The following CDH12 variants were observed in gnomAD, a reference collection of about 807,000 sequenced individuals.
CDH12 encodes the protein cadherin 12.
In CDH12, 41 loss-of-function variants were observed where a neutral mutation model predicts 74.1. The observed-to-expected ratio is 0.55, with a 90% CI of 0.43 to 0.72. The LOEUF is 0.72. CDH12 is among the 30% of genes least tolerant of loss of function. CDH12 has a pLI of 0.00. For synonymous variants in CDH12, 399 were observed against 355.0 expected (o/e 1.12, Z -1.39); for missense variants, 945 against 977.2 (o/e 0.97, Z 0.44).
chr5:21,973,193 C>A (rs1482876696), intron 6 of CDH12, among the ~76,000 whole-genome samples: 4 of 151,948 alleles, frequency 2.6e-5, no homozygotes, highest in Non-Finnish European at 5.9e-5. Context: ...GGCAACAGAC[C>A]AAGACCCAGT....
intron 1 of CDH12, among the ~76,000 whole-genome samples, chr5:22,524,698 T>C (rs1410582628): frequency 6.6e-6 from 1 of 152,194 alleles, no homozygotes; most frequent in African/African-American, 2.4e-5. Context: ...AACACAGGCT[T>C]CCATATCAGA....
Position 21,804,661 on chromosome 5 carries a change from C to T in CDH12, c.1003-2241G>A, listed in dbSNP as rs1356857516. ...GAATTAAAACACACACACACACACA[C>T]ACACACACACACACACACACACACA... On this transcript the variant is annotated intron_variant, in intron 9 of 14. Coordinates refer to ENST00000382254, the MANE Select transcript of CDH12 (RefSeq NM_004061.5). 1.1e-3 allele frequency among the ~76,000 whole-genome samples: 155 copies of T among 147,392 alleles called. 5 individuals are homozygous for T. The South Asian group carries it at 0.016, about 15-fold the overall frequency.
At chr5:22,204,315 C>T (rs1354513217) in intron 4 of CDH12, among the ~76,000 whole-genome samples, 1 of 152,140 alleles carries the variant, frequency 6.6e-6, no homozygotes, top group African/African-American at 2.4e-5. Context: ...CACCCGTCAC[C>T]ACGCCCGGTT....
In CDH12 at chr5:21,802,149, AAT is replaced by A. The variant is rs1561196691; in HGVS notation, c.1256+16_1256+17del. 1 of 1,587,468 alleles carries A rather than the reference AAT, an allele frequency of 6.3e-7. No individual in the cohort carries two copies. The highest frequency in any genetic ancestry group is 8.6e-7 in the Non-Finnish European group (1 of 1,164,842). On this transcript the variant is annotated intron_variant, in intron 10 of 14. Transcript: ENST00000382254. Reference sequence around the variant, plus strand: ...TTGTTTTCCTGAAACATAGAAAAAAAATGTTTCTTTTTCTCACCTAACAGCAC... The same window carrying A: ...TTGTTTTCCTGAAACATAGAAAAAAAGTTTCTTTTTCTCACCTAACAGCAC...
At chr5:22,296,347 G>A (rs1183052213) in intron 3 of CDH12, among the ~76,000 whole-genome samples, 2 of 151,842 alleles carry the variant, frequency 1.3e-5, no homozygotes, top group African/African-American at 2.4e-5. Flanking sequence ...CGTATTCCTC[G>A]AACTATATCT....
At chr5:22,421,988 T>A (rs1178145829) in intron 2 of CDH12, among the ~76,000 whole-genome samples, 2 of 152,238 alleles carry the variant, frequency 1.3e-5, no homozygotes, top group Non-Finnish European at 2.9e-5. Context: ...AATGTCTTCT[T>A]TTGAGAAGTG....
chr5:22,196,084 T>C (rs998533436), intron 4 of CDH12, among the ~76,000 whole-genome samples: 2 of 152,038 alleles, frequency 1.3e-5, no homozygotes, highest in African/African-American at 4.8e-5. Flanking sequence ...TATATTACAG[T>C]GTGTATGTAT....
At chr5:22,631,585 G>A (rs935104030) in intron 1 of CDH12, among the ~76,000 whole-genome samples, 1 of 152,038 alleles carries the variant, frequency 6.6e-6, no homozygotes, top group African/African-American at 2.4e-5. Context: ...CCTAAACATC[G>A]AGTATCCATG....
At chr5:22,452,879 G>GAAAAAAA (rs1745101531) in intron 2 of CDH12, among the ~76,000 whole-genome samples, 1 of 6,446 alleles carries the variant, frequency 1.6e-4, no homozygotes, top group Non-Finnish European at 2.9e-4. Context: ...CAACCTAAGA[G>GAAAAAAA]CAAAAAAAAA....
chr5:22,584,443 T>G (rs905337899), intron 1 of CDH12, among the ~76,000 whole-genome samples: 1 of 152,324 alleles, frequency 6.6e-6, no homozygotes, highest in Admixed American at 6.5e-5. Flanking sequence ...ATTTTTATTT[T>G]AGTGAAACTA....
intron 8 of CDH12, among the ~76,000 whole-genome samples, chr5:21,824,997 T>TA (rs1359500657): frequency 2.0e-5 from 3 of 151,494 alleles, no homozygotes; most frequent in Non-Finnish European, 4.4e-5. Flanking sequence ...CTACCAAAAA[T>TA]AAAAAAATTA....
intron 2 of CDH12, among the ~76,000 whole-genome samples, chr5:22,477,717 C>T (rs1026214133): frequency 7.2e-5 from 11 of 152,268 alleles, no homozygotes; most frequent in Admixed American, 5.9e-4. Flanking sequence ...TTGGACTACC[C>T]TCACTGCTAA....
intron 12 of CDH12, among the ~76,000 whole-genome samples, chr5:21,761,564 G>A (rs745494628): frequency 5.9e-4 from 90 of 152,158 alleles, no homozygotes; most frequent in Admixed American, 1.6e-3. Flanking sequence ...TTTCACACAC[G>A]GATATCCTGG....
intron 1 of CDH12, among the ~76,000 whole-genome samples, chr5:22,735,071 A>T (rs1561611691): frequency 6.6e-6 from 1 of 151,928 alleles, no homozygotes; most frequent in Non-Finnish European, 1.5e-5. Context: ...GAATTGCTGA[A>T]TCTGCAATTT....
chr5:22,761,787 A>G (rs1379602267), intron 1 of CDH12, among the ~76,000 whole-genome samples: 1 of 152,198 alleles, frequency 6.6e-6, no homozygotes, highest in East Asian at 1.9e-4. Context: ...AATCTTTAAG[A>G]AAATGTATAA....
intron 4 of CDH12, among the ~76,000 whole-genome samples, chr5:22,144,699 A>G (rs1194577212): frequency 6.6e-6 from 1 of 152,100 alleles, no homozygotes; most frequent in African/African-American, 2.4e-5. Context: ...CCATCTTGTT[A>G]TAAACCAAAA....
intron 4 of CDH12, among the ~76,000 whole-genome samples, chr5:22,181,616 C>T (rs1749650831): frequency 6.6e-6 from 1 of 152,118 alleles, no homozygotes; most frequent in Non-Finnish European, 1.5e-5. Context: ...TTCACATGCA[C>T]TTAACAATTT....
At chr5:21,873,853 C>T (rs540704401) in intron 6 of CDH12, among the ~76,000 whole-genome samples, 139 of 10,456 alleles carry the variant, frequency 0.013, no homozygotes, top group African/African-American at 0.043. Flanking sequence ...GTTCAGCTCC[C>T]GCTTACAAGT....
chr5:21,956,555 T>C (rs1756107032), intron 6 of CDH12, among the ~76,000 whole-genome samples: 1 of 152,054 alleles, frequency 6.6e-6, no homozygotes, highest in South Asian at 2.1e-4. Context: ...TCTGACATTC[T>C]GGAGTATTGC....
Sources: gnomAD v4.1 joint callset for allele counts (sites outside exome capture counted in the v4.1 genomes callset) on GRCh38, gnomAD v4.1.1 for gene constraint, MANE v1.5 for transcripts, NCBI Gene and HGNC (gene_info 2026-07-23, HGNC 2026-07-21) for gene names.